OR6X1: variants seen among roughly 807,000 people sequenced by gnomAD.
The protein encoded by OR6X1 is olfactory receptor family 6 subfamily X member 1.
For synonymous variants in OR6X1, 160 were observed against 149.8 expected, an observed-to-expected ratio of 1.07 and a Z score of -0.50; for missense variants, 354 against 372.2, an observed-to-expected ratio of 0.95 and a Z score of 0.40.
chr11:123,753,810 AGAAAGTCTTTTG>A lies in OR6X1; in HGVS notation c.697_708del (p.Gln233_Phe236del). On this transcript the variant is annotated inframe_deletion, in exon 1 of 1. Coordinates refer to ENST00000327930, the MANE Select transcript of OR6X1 (RefSeq NM_001005188.1). The stretch of plus-strand genomic sequence containing the variant: ...ACTGTCAGGTGCGAGGCACAGGTAG[AGAAAGTCTTTTG>A]GTGGCCAGTGGCTGAAGGAATTCGT... The A allele has an allele frequency of 6.2e-7, 1 of 1,614,168 alleles. No individual in the cohort carries two copies. The highest frequency in any genetic ancestry group is 8.5e-7 in the Non-Finnish European group (1 of 1,180,032).
rs1809022750 is a variant in OR6X1 at position 123,753,611 on chromosome 11, A to G, written c.908T>C (p.Met303Thr). The change falls in exon 1 of 1, where the codon ATG becomes ACG. Residue 303 changes from methionine to threonine, a missense_variant. Transcript: ENST00000327930. The stretch of plus-strand genomic sequence containing the variant: ...TGCATGACCAGTCTTTGGGCAAGTC[A>G]TTGCCTTTCTTAAGGCTCCCTTCAC... The part of the protein sequence containing the change: ...KEVKGALRKA[M>T]TCPKTGHAK 3 of 1,595,228 alleles carry G rather than the reference A, an allele frequency of 1.9e-6. No individual in the cohort carries two copies. Among genetic ancestry groups the G allele is most frequent in the Non-Finnish European group, 1.7e-6 (2 of 1,171,574 alleles).
rs575768913 is a variant in OR6X1, at chr11:123,753,641, T to G, written c.878A>C (p.Lys293Thr). The G allele has an allele frequency of 9.3e-6, 15 of 1,609,454 alleles. No homozygotes were observed. In the East Asian group the frequency reaches 2.5e-4, roughly 26 times the overall value. ...LNPFIYTIRN[K>T]EVKGALRKAM... ...CTTTCTTAAGGCTCCCTTCACCTCC[T>G]TGTTTCTAATAGTATAAATAAAGGG... The change falls in exon 1 of 1, where the codon AAG (lysine) becomes ACG (threonine). Residue 293 changes from lysine (K) to threonine (T), a missense_variant. Physicochemically the swap from Lys to Thr is moderately conservative, Grantham distance 78. Transcript: ENST00000327930.
Position 123,753,585 on chromosome 11 carries a change from T to G in OR6X1, c.934A>C (p.Lys312Gln). Reference sequence around the variant, plus strand: ...ACTTTGATGTGTTGCATGTTTTACTTTGCATGACCAGTCTTTGGGCAAGTC... The same window carrying G: ...ACTTTGATGTGTTGCATGTTTTACTGTGCATGACCAGTCTTTGGGCAAGTC... ...AMTCPKTGHAK is the reference protein window; with the variant it reads ...AMTCPKTGHAQ The change falls in exon 1 of 1, where the codon AAG becomes CAG. Residue 312 changes from lysine (K) to glutamine (Q), a missense_variant. Physicochemically the swap from Lys to Gln is moderately conservative, Grantham distance 53. Coordinates refer to ENST00000327930, the MANE Select transcript of OR6X1 (RefSeq NM_001005188.1). 6.4e-7 allele frequency: 1 copy of G among 1,552,008 alleles called. No homozygotes were observed. Among genetic ancestry groups the G allele is most frequent in the South Asian group, 1.2e-5 (1 of 81,096 alleles).
Position 123,754,470 on chromosome 11 carries a change from C to T in OR6X1, c.49G>A (p.Val17Ile). The T allele has an allele frequency of 1.2e-6, 2 of 1,613,236 alleles. No homozygotes were observed. Among genetic ancestry groups the T allele is most frequent in the South Asian group, 1.1e-5 (1 of 90,946 alleles). The change falls in exon 1 of 1, where the codon GTT (valine) becomes ATT (isoleucine). Residue 17 changes from valine to isoleucine, a missense_variant. Coordinates refer to ENST00000327930, the MANE Select transcript of OR6X1 (RefSeq NM_001005188.1). ...AGAGGTGTTTGTAGGCCTTGGATAACAGGAAAGCCTAGCAGGATGAATTCT... is the reference window on the plus strand; with the variant it reads ...AGAGGTGTTTGTAGGCCTTGGATAATAGGAAAGCCTAGCAGGATGAATTCT... ...ITEFILLGFP[V>I]IQGLQTPLFI...
In OR6X1 at chr11:123,754,009, A is replaced by G. The variant is rs190235540; in HGVS notation, c.510T>C (p.Asn170=). The G allele has an allele frequency of 1.5e-5, 24 of 1,614,070 alleles. No homozygotes were observed. In the African/African-American group the frequency reaches 2.9e-4, roughly 20 times the overall value. The change falls in exon 1 of 1, where the codon AAT becomes AAC. Residue 170 remains asparagine, a synonymous_variant. Coordinates refer to ENST00000327930, the MANE Select transcript of OR6X1 (RefSeq NM_001005188.1). ...LLIQLPFCGN[N]VISHFYCDVG... ...CATCACAGTAGAAATGACTGATAAC[A>G]TTATTGCCACAGAATGGCAACTGGA...
rs746898904 is a variant in OR6X1 at position 123,754,301 on chromosome 11, G to A, written c.218C>T (p.Thr73Ile). 4.3e-6 allele frequency: 7 copies of A among 1,614,066 alleles called. No homozygotes were observed. The highest frequency in any genetic ancestry group is 5.9e-6 in the Non-Finnish European group (7 of 1,179,918). Reference sequence around the variant, plus strand: ...TCCTAGCAGTTTGGGGATGACTGTGGTGGTGTACCAGATTTCTAAGAAAGA... The same window carrying A: ...TCCTAGCAGTTTGGGGATGACTGTGATGGTGTACCAGATTTCTAAGAAAGA... ...NLSFLEIWYT[T>I]TVIPKLLGTF... Residue 73 changes from threonine to isoleucine, a missense_variant, in exon 1 of 1, where the codon ACC (threonine) becomes ATC (isoleucine). Transcript: ENST00000327930.
rs1388900232 is a variant in OR6X1 at position 123,754,290 on chromosome 11, G to A, written c.229C>T (p.Pro77Ser). The A allele has an allele frequency of 6.2e-7, 1 of 1,614,118 alleles. No individual in the cohort carries two copies. Among genetic ancestry groups the A allele is most frequent in the Admixed American group, 1.7e-5 (1 of 60,012 alleles). ...ACTACAAAGGTTCCTAGCAGTTTGGGGATGACTGTGGTGGTGTACCAGATT... is the reference window on the plus strand; with the variant it reads ...ACTACAAAGGTTCCTAGCAGTTTGGAGATGACTGTGGTGGTGTACCAGATT... ...LEIWYTTTVI[P>S]KLLGTFVVAR... The change falls in exon 1 of 1, where the codon CCC becomes TCC. Residue 77 changes from proline to serine, a missense_variant. By Grantham distance (74) the Pro-to-Ser change is moderately conservative. Coordinates refer to ENST00000327930, the MANE Select transcript of OR6X1 (RefSeq NM_001005188.1).
rs766698048 is a variant in OR6X1, at chr11:123,754,106, A to G, written c.413T>C (p.Leu138Pro). The part of the protein sequence containing the change: ...LHHPTIMTSK[L>P]CLQLALSSWV... Reference sequence around the variant, plus strand: ...GGAGCTCAGGGCCAGCTGCAGGCAGAGTTTGCTGGTCATGATGGTGGGGTG... The same window carrying G: ...GGAGCTCAGGGCCAGCTGCAGGCAGGGTTTGCTGGTCATGATGGTGGGGTG... The change falls in exon 1 of 1, where the codon CTC becomes CCC. Residue 138 changes from leucine (L) to proline (P), a missense_variant. By Grantham distance (98) the Leu-to-Pro change is moderately conservative. Transcript: ENST00000327930. 2.5e-6 allele frequency: 4 copies of G among 1,614,122 alleles called. No homozygotes were observed. Among genetic ancestry groups the G allele is most frequent in the Non-Finnish European group, 2.5e-6 (3 of 1,180,026 alleles).
At position 123,754,273 on chromosome 11, in the gene OR6X1, G is replaced by A. The variant is rs1043738764; in HGVS notation, c.246C>T (p.Thr82=). 6.2e-7 allele frequency: 1 copy of A among 1,614,158 alleles called. No individual in the cohort carries two copies. Among genetic ancestry groups the A allele is most frequent in the South Asian group, 1.1e-5 (1 of 91,084 alleles). ...TTTVIPKLLG[T]FVVARTVICM... Reference sequence around the variant, plus strand: ...AGATTACTGTTCTTGCCACTACAAAGGTTCCTAGCAGTTTGGGGATGACTG... The same window carrying A: ...AGATTACTGTTCTTGCCACTACAAAAGTTCCTAGCAGTTTGGGGATGACTG... The change falls in exon 1 of 1, where the codon ACC becomes ACT. Residue 82 remains threonine, a synonymous_variant. Coordinates refer to ENST00000327930, the MANE Select transcript of OR6X1 (RefSeq NM_001005188.1).
Position 123,754,380 on chromosome 11 carries a change from C to T in OR6X1, c.139G>A (p.Val47Met). The change falls in exon 1 of 1, where the codon GTG becomes ATG. Residue 47 changes from valine to methionine, a missense_variant. Coordinates refer to ENST00000327930, the MANE Select transcript of OR6X1 (RefSeq NM_001005188.1). ...ATTTGTAGCCTGGGCTCAGCCCACA[C>T]AGTGGCAATAATAAGCCCATTGCCT... ...LAGNGLIIAT[V>M]WAEPRLQIPM... The T allele has an allele frequency of 9.9e-6, 16 of 1,614,146 alleles. No individual in the cohort carries two copies. The highest frequency in any genetic ancestry group is 1.4e-5 in the Non-Finnish European group (16 of 1,180,014).
rs1049562709 is a variant in OR6X1 at position 123,754,186 on chromosome 11, C to T, written c.333G>A (p.Leu111=). The T allele has an allele frequency of 3.7e-5, 59 of 1,613,960 alleles. No homozygotes were observed. Among genetic ancestry groups the T allele is most frequent in the Non-Finnish European group, 4.5e-5 (53 of 1,180,034 alleles). The change falls in exon 1 of 1, where the codon TTG becomes TTA. Residue 111 remains leucine, a synonymous_variant. Coordinates refer to ENST00000327930, the MANE Select transcript of OR6X1 (RefSeq NM_001005188.1). ...GGTCAAAAGACATGATAGTGAGGAT[C>T]AAGAACTCGGTGGTGCCCACGAAGA... The part of the protein sequence containing the change: ...FHFFVGTTEF[L]ILTIMSFDRY...
At position 123,753,817 on chromosome 11, in the gene OR6X1, C is replaced by A; in HGVS notation, c.702G>T (p.Lys234Asn). The change falls in exon 1 of 1, where the codon AAG becomes AAT. Residue 234 changes from lysine to asparagine, a missense_variant. Physicochemically the swap from Lys to Asn is moderately conservative, Grantham distance 94. Transcript: ENST00000327930. Reference protein sequence around the residue: ...LRIPSATGHQKTFSTCASHLT... With the variant: ...LRIPSATGHQNTFSTCASHLT... ...GGTGCGAGGCACAGGTAGAGAAAGT[C>A]TTTTGGTGGCCAGTGGCTGAAGGAA... 1.1e-5 allele frequency: 17 copies of A among 1,614,094 alleles called. No individual in the cohort carries two copies. The highest frequency in any genetic ancestry group is 1.4e-5 in the Non-Finnish European group (17 of 1,180,020).
At position 123,753,936 on chromosome 11, in the gene OR6X1, G is replaced by T; in HGVS notation, c.583C>A (p.Leu195Ile). 6.2e-7 allele frequency: 1 copy of T among 1,614,188 alleles called. No homozygotes were observed. The highest frequency in any genetic ancestry group is 8.5e-7 in the Non-Finnish European group (1 of 1,180,008). ...AACIDTSILELLGVIATILVI... is the reference protein window; with the variant it reads ...AACIDTSILEILGVIATILVI... ...AGGATGGTTGCTATGACGCCCAGGA[G>T]TTCCAAAATGCTGGTGTCTATGCAG... Residue 195 changes from leucine (L) to isoleucine (I), a missense_variant, in exon 1 of 1, where the codon CTC (leucine) becomes ATC (isoleucine). Transcript: ENST00000327930.
rs142491106 is a variant in OR6X1 at position 123,753,861 on chromosome 11, G to T, written c.658C>A (p.Leu220Met). 6.2e-7 allele frequency: 1 copy of T among 1,614,048 alleles called. No individual in the cohort carries two copies. The highest frequency in any genetic ancestry group is 8.5e-7 in the Non-Finnish European group (1 of 1,180,036). The part of the protein sequence containing the change: ...LFNMISYIYI[L>M]SAILRIPSAT... The stretch of plus-strand genomic sequence containing the variant: ...GAAGGAATTCGTAGGATTGCGGACA[G>T]AATGTAGATATAAGAAATCATATTA... The change falls in exon 1 of 1, where the codon CTG becomes ATG. Residue 220 changes from leucine (L) to methionine (M), a missense_variant. Coordinates refer to ENST00000327930, the MANE Select transcript of OR6X1 (RefSeq NM_001005188.1).
rs754883550 is a variant in OR6X1, at chr11:123,754,395, G to T, written c.124C>A (p.Leu42Ile). ...TCAGCCCACACAGTGGCAATAATAAGCCCATTGCCTGCAAGGGTTAATATG... is the reference window on the plus strand; with the variant it reads ...TCAGCCCACACAGTGGCAATAATAATCCCATTGCCTGCAAGGGTTAATATG... ...TYILTLAGNG[L>I]IIATVWAEPR... The change falls in exon 1 of 1, where the codon CTT becomes ATT. Residue 42 changes from leucine to isoleucine, a missense_variant. Coordinates refer to ENST00000327930, the MANE Select transcript of OR6X1 (RefSeq NM_001005188.1). 3 of 1,613,788 alleles carry T rather than the reference G, an allele frequency of 1.9e-6. No homozygotes were observed. Among genetic ancestry groups the T allele is most frequent in the Non-Finnish European group, 1.7e-6 (2 of 1,179,770 alleles).
chr11:123,754,263 C>T lies in OR6X1; in HGVS notation c.256G>A (p.Ala86Thr), dbSNP rs753000123. The change falls in exon 1 of 1, where the codon GCA becomes ACA. Residue 86 changes from alanine (A) to threonine (T), a missense_variant. Physicochemically the swap from Ala to Thr is moderately conservative, Grantham distance 58. Transcript: ENST00000327930. ...CAGGACATGCAGATTACTGTTCTTG[C>T]CACTACAAAGGTTCCTAGCAGTTTG... ...IPKLLGTFVV[A>T]RTVICMSCCL... 6.2e-7 allele frequency: 1 copy of T among 1,614,130 alleles called. No homozygotes were observed. The highest frequency in any genetic ancestry group is 8.5e-7 in the Non-Finnish European group (1 of 1,180,034).
chr11:123,753,957 T>G lies in OR6X1; in HGVS notation c.562A>C (p.Ile188Leu). 6.2e-7 allele frequency: 1 copy of G among 1,614,214 alleles called. No individual in the cohort carries two copies. The highest frequency in any genetic ancestry group is 1.1e-5 in the South Asian group (1 of 91,084). Residue 188 changes from isoleucine (I) to leucine (L), a missense_variant, in exon 1 of 1, where the codon ATA (isoleucine) becomes CTA (leucine). Transcript: ENST00000327930. ...DVGPSLKAACIDTSILELLGV... is the reference protein window; with the variant it reads ...DVGPSLKAACLDTSILELLGV... ...AGGAGTTCCAAAATGCTGGTGTCTA[T>G]GCAGGCGGCTTTCAAACTGGGCCCA...
Position 123,754,059 on chromosome 11 carries a change from C to T in OR6X1, c.460G>A (p.Val154Ile), listed in dbSNP as rs771795076. The T allele has an allele frequency of 1.2e-6, 2 of 1,614,090 alleles. No homozygotes were observed. Among genetic ancestry groups the T allele is most frequent in the Non-Finnish European group, 1.7e-6 (2 of 1,180,028 alleles). ...ATGAGCAGCATCGTCTGACAAAAGA[C>T]AATGGTGAAGCCCACCACCCAGGAG... The part of the protein sequence containing the change: ...LSSWVVGFTI[V>I]FCQTMLLIQL... The change falls in exon 1 of 1, where the codon GTC becomes ATC. Residue 154 changes from valine to isoleucine, a missense_variant. Coordinates refer to ENST00000327930, the MANE Select transcript of OR6X1 (RefSeq NM_001005188.1).
Position 123,754,223 on chromosome 11 carries a change from G to A in OR6X1, c.296C>T (p.Ala99Val), listed in dbSNP as rs1862025361. ...GGTGCCCACGAAGAAGTGGAAGAAG[G>A]CCTGCAGCAGGCAGCAGGACATGCA... ...VICMSCCLLQ[A>V]FFHFFVGTTE... The change falls in exon 1 of 1, where the codon GCC becomes GTC. Residue 99 changes from alanine (A) to valine (V), a missense_variant. Physicochemically the swap from Ala to Val is moderately conservative, Grantham distance 64 (BLOSUM62 0). Transcript: ENST00000327930. 1 of 1,614,190 alleles carries A rather than the reference G, an allele frequency of 6.2e-7. No individual in the cohort carries two copies. The highest frequency in any genetic ancestry group is 2.2e-5 in the East Asian group (1 of 44,876).
Sources: allele counts gnomAD v4.1 joint callset, GRCh38; gene constraint gnomAD v4.1.1; transcripts MANE v1.5; gene names NCBI Gene and HGNC (gene_info 2026-07-23, HGNC 2026-07-21).